Variants in MGAT4C observed in about 807,000 individuals in gnomAD.
MGAT4C encodes alpha-1,3-mannosyl-glycoprotein 4-beta-N-acetylglucosaminyltransferase C.
In MGAT4C, 19 loss-of-function variants were observed where a neutral mutation model predicts 40.1. That is an observed-to-expected ratio of 0.47 (90% CI 0.33 to 0.70). The LOEUF is 0.70. Ranked by LOEUF, MGAT4C falls within the 30% of genes least tolerant of loss-of-function variation. The probability of loss-of-function intolerance (pLI) is 0.02; values close to 1 mark genes in which losing one functional copy is unlikely to be tolerated. For synonymous variants in MGAT4C, 181 were observed against 187.1 expected (o/e 0.97, Z 0.27); for missense variants, 491 against 563.2 (o/e 0.87, Z 1.30).
chr12:86,735,396 A>G (rs1463492924), intron 1 of MGAT4C, among the ~76,000 whole-genome samples: 2 of 151,526 alleles, frequency 1.3e-5, no homozygotes, highest in African/African-American at 4.8e-5. Flanking sequence ...ATTTGTAAAC[A>G]CTCCACATCA....
intron 1 of MGAT4C, among the ~76,000 whole-genome samples, chr12:86,126,483 A>G (rs1566020074): frequency 6.6e-6 from 1 of 152,164 alleles, no homozygotes; most frequent in Non-Finnish European, 1.5e-5. Flanking sequence ...ACCAAGAATA[A>G]ACATATTTTC....
At chr12:86,238,352 T>C (rs1408518316) in intron 1 of MGAT4C, among the ~76,000 whole-genome samples, 1 of 152,056 alleles carries the variant, frequency 6.6e-6, no homozygotes, top group Non-Finnish European at 1.5e-5. Context: ...TTAATCATTT[T>C]CATAATTTTC....
intron 1 of MGAT4C, among the ~76,000 whole-genome samples, chr12:86,141,696 T>C (rs1882858322): frequency 6.6e-6 from 1 of 152,148 alleles, no homozygotes; most frequent in Non-Finnish European, 1.5e-5. Context: ...CTATACCTAA[T>C]GTTCAAGTTT....
chr12:86,623,473 A>G (rs936687834), intron 2 of MGAT4C, among the ~76,000 whole-genome samples: 1 of 152,208 alleles, frequency 6.6e-6, no homozygotes. Context: ...GAACAAAGAT[A>G]TAAATGACAG....
intron 4 of MGAT4C, among the ~76,000 whole-genome samples, chr12:86,297,924 T>C (rs535903188): frequency 2.6e-5 from 4 of 152,214 alleles, no homozygotes; most frequent in East Asian, 3.9e-4. Flanking sequence ...GCAGAAATAA[T>C]GGATTTTAAA....
At chr12:86,495,605 T>C (rs1352158714) in intron 2 of MGAT4C, among the ~76,000 whole-genome samples, 1 of 152,034 alleles carries the variant, frequency 6.6e-6, no homozygotes, top group South Asian at 2.1e-4. Context: ...GTACTGTAAG[T>C]GTTTTTAATC....
intron 1 of MGAT4C, among the ~76,000 whole-genome samples, chr12:86,803,523 A>C (rs1327778929): frequency 1.3e-5 from 2 of 151,962 alleles, no homozygotes; most frequent in Non-Finnish European, 2.9e-5. Context: ...TCATCTGACA[A>C]AGGGCTAATA....
intron 2 of MGAT4C, among the ~76,000 whole-genome samples, chr12:86,490,129 A>T (rs1057502231): frequency 6.6e-6 from 1 of 152,176 alleles, no homozygotes; most frequent in African/African-American, 2.4e-5. Flanking sequence ...TGTCAGATTC[A>T]CCAAAGTTGA....
At chr12:86,653,876 A>G (rs926399746) in intron 2 of MGAT4C, among the ~76,000 whole-genome samples, 3 of 152,014 alleles carry the variant, frequency 2.0e-5, no homozygotes, top group African/African-American at 4.8e-5. Context: ...TCAATTTTAA[A>G]GGACATTTTT....
At chr12:85,991,337 C>T (rs985374631) in intron 2 of MGAT4C, among the ~76,000 whole-genome samples, 1 of 152,146 alleles carries the variant, frequency 6.6e-6, no homozygotes, top group Admixed American at 6.5e-5. Flanking sequence ...CCAACTGATC[C>T]ATGGACAGCC....
intron 1 of MGAT4C, among the ~76,000 whole-genome samples, chr12:86,758,193 C>T (rs950022619): frequency 6.6e-6 from 1 of 152,008 alleles, no homozygotes; most frequent in African/African-American, 2.4e-5. Context: ...TGGCCTTACA[C>T]TGGTGTCACA....
At chr12:86,041,261 A>G (rs1406706521) in intron 2 of MGAT4C, among the ~76,000 whole-genome samples, 1 of 151,824 alleles carries the variant, frequency 6.6e-6, no homozygotes, top group African/African-American at 2.4e-5. Context: ...TTATTCTCTC[A>G]AAAAACAAAT....
At chr12:86,145,084 T>A (rs908106407) in intron 1 of MGAT4C, among the ~76,000 whole-genome samples, 2 of 152,280 alleles carry the variant, frequency 1.3e-5, no homozygotes, top group Non-Finnish European at 2.9e-5. Flanking sequence ...TGCCAACTTT[T>A]CTGTCAGGGT....
chr12:86,597,197 G>A (rs11104005), intron 2 of MGAT4C, among the ~76,000 whole-genome samples: 7,965 of 152,202 alleles, frequency 0.052, 342 homozygotes, highest in East Asian at 0.19. Flanking sequence ...GTAAATACTT[G>A]TAGGTTACTG....
intron 2 of MGAT4C, among the ~76,000 whole-genome samples, chr12:86,447,932 C>A (rs542721140): frequency 2.0e-4 from 30 of 152,256 alleles, no homozygotes; most frequent in Middle Eastern, 3.4e-3. Context: ...CCATGCCCTG[C>A]CCATTTTCCT....
chr12:86,125,633 A>G (rs1281201014), intron 1 of MGAT4C, among the ~76,000 whole-genome samples: 1 of 152,208 alleles, frequency 6.6e-6, no homozygotes, highest in Non-Finnish European at 1.5e-5. Flanking sequence ...TTTCCTTTCA[A>G]TGAAATAGAA....
intron 3 of MGAT4C, among the ~76,000 whole-genome samples, chr12:86,407,889 T>C (rs936136225): frequency 6.6e-6 from 1 of 152,050 alleles, no homozygotes; most frequent in Non-Finnish European, 1.5e-5. Flanking sequence ...TAGTCAAGCA[T>C]TAAATGTATA....
At chr12:86,376,232 A>AT (rs1286497174) in intron 3 of MGAT4C, among the ~76,000 whole-genome samples, 1 of 150,564 alleles carries the variant, frequency 6.6e-6, no homozygotes, top group African/African-American at 2.4e-5. Flanking sequence ...AAAAAAAAAA[A>AT]AAAAAAAGAG....
At chr12:86,193,917 C>T (rs915131621) in intron 1 of MGAT4C, among the ~76,000 whole-genome samples, 5 of 152,010 alleles carry the variant, frequency 3.3e-5, no homozygotes, top group African/African-American at 7.2e-5. Flanking sequence ...TTTCACTTAA[C>T]GCTTTTGTTT....
Sources: allele counts gnomAD v4.1 joint callset (sites outside exome capture counted in the v4.1 genomes callset), GRCh38; gene constraint gnomAD v4.1.1; transcripts MANE v1.5; gene names NCBI Gene and HGNC (gene_info 2026-07-23, HGNC 2026-07-21).